The following NINL variants were observed in gnomAD, a reference collection of about 807,000 sequenced individuals.
The protein encoded by NINL is ninein like.
In NINL, 153 loss-of-function variants were observed where a neutral mutation model predicts 160.3. The ratio of observed to expected loss-of-function variants is 0.95; its 90% CI spans 0.84 to 1.09. The LOEUF is 1.09. NINL is among the 50% of genes least tolerant of loss of function. The pLI is 0.00. For missense variants in NINL, 1,829 were observed against 1,764.0 expected (o/e 1.04, Z -0.66); for synonymous variants, 800 against 734.8 (o/e 1.09, Z -1.43).
chr20:25,581,668 C>T (rs895668844), intron 1 of NINL, among the ~76,000 whole-genome samples: 1 of 152,060 alleles, frequency 6.6e-6, no homozygotes, highest in Non-Finnish European at 1.5e-5. Context: ...TAAAAATTAG[C>T]GGATAACTCT....
chr20:25,529,152 T>C (rs979865571), intron 1 of NINL, among the ~76,000 whole-genome samples: 3 of 152,178 alleles, frequency 2.0e-5, no homozygotes, highest in South Asian at 4.1e-4. Flanking sequence ...TGTGAGCCTG[T>C]AGTCTCAGAT....
intron 10 of NINL, 99 bp downstream of exon 10, chr20:25,496,564 C>A: frequency 2.8e-6 from 4 of 1,440,992 alleles, no homozygotes; most frequent in South Asian, 1.3e-5. Context: ...CTGAGCCACA[C>A]CCGCAGCTCT....
chr20:25,453,008 C>T lies in NINL; in HGVS notation c.*443G>A, dbSNP rs2090570913. 1 of 153,128 alleles carries T rather than the reference C, an allele frequency of 6.5e-6. No individual in the cohort carries two copies. Among genetic ancestry groups the T allele is most frequent in the Non-Finnish European group, 1.5e-5 (1 of 68,564 alleles). The allele number at this position is 153,128 out of a possible 1,614,324, so 9.5% of individuals were successfully genotyped here. Reference sequence around the variant, plus strand: ...TTCTGGAATGTGTGTACGCACCCTCCACCAAGAGTTCTAATAAGCTAAGCT... The same window carrying T: ...TTCTGGAATGTGTGTACGCACCCTCTACCAAGAGTTCTAATAAGCTAAGCT... On this transcript the variant is annotated 3_prime_UTR_variant, in exon 24 of 24. Coordinates refer to ENST00000278886, the MANE Select transcript of NINL (RefSeq NM_025176.6).
intron 1 of NINL, among the ~76,000 whole-genome samples, chr20:25,553,380 C>T (rs1416384413): frequency 3.9e-5 from 6 of 152,128 alleles, no homozygotes; most frequent in East Asian, 1.9e-4. Context: ...CACTGGTCCC[C>T]GCCAGTACTG....
chr20:25,482,198 G>A, intron 13 of NINL, 98 bp from the exon 14 acceptor site: 2 of 1,411,400 alleles, frequency 1.4e-6, no homozygotes, highest in Non-Finnish European at 1.9e-6. Flanking sequence ...TGCAGGTGAG[G>A]TGCACTGTGA....
At position 25,489,889 on chromosome 20, in the gene NINL, C is replaced by T; in HGVS notation, c.1582G>A (p.Val528Met). 6.2e-7 allele frequency: 1 copy of T among 1,614,226 alleles called. No homozygotes were observed. Residue 528 changes from valine (V) to methionine (M), a missense_variant, in exon 12 of 24, where the codon GTG becomes ATG. Transcript: ENST00000278886. ...ALKLQKDLEF[V>M]LKDKLEPQSA... ...AAGGGACTCGCCTTGTCCTTCAGCA[C>T]AAACTCCAGGTCCTTCTGCAGCTTC...
At chr20:25,456,372 A>G (rs1188125588) in intron 22 of NINL, among the ~76,000 whole-genome samples, 1 of 149,632 alleles carries the variant, frequency 6.7e-6, no homozygotes, top group East Asian at 2.0e-4. Flanking sequence ...GCACAGTGAA[A>G]CCCTATCTCT....
intron 1 of NINL, among the ~76,000 whole-genome samples, chr20:25,584,975 G>A (rs1333343581): frequency 3.9e-5 from 6 of 152,232 alleles, no homozygotes; most frequent in African/African-American, 1.4e-4. Flanking sequence ...CGCGGGTCCC[G>A]CTCCGTGGGG....
At chr20:25,467,350 A>G (rs373172937) in intron 19 of NINL, 39 bp downstream of exon 19, 1 of 1,426,140 alleles carries the variant, frequency 7.0e-7, no homozygotes. Context: ...AAAAAAAGGA[A>G]TGGTGGCATG....
In NINL at chr20:25,569,910, C is replaced by T. The variant is rs185401169; in HGVS notation, c.-12+15545G>A. 5.3e-5 allele frequency among the ~76,000 whole-genome samples: 8 copies of T among 152,078 alleles called. No homozygotes were observed. The East Asian group carries it at 1.5e-3, about 29-fold the overall frequency. On this transcript the variant is annotated intron_variant, in intron 1 of 23. Transcript: ENST00000278886. ...GTCAAAGCTAGGTACTGCAGCCGGG[C>T]GTGGTGGCTCACACTTGTAATCCCA...
chr20:25,584,688 T>C (rs534084701), intron 1 of NINL, among the ~76,000 whole-genome samples: 2 of 152,238 alleles, frequency 1.3e-5, no homozygotes, highest in East Asian at 3.9e-4. Context: ...TTCCAGGGCT[T>C]GGCCTAAGTC....
At chr20:25,571,903 A>G (rs1414988817) in intron 1 of NINL, among the ~76,000 whole-genome samples, 1 of 143,614 alleles carries the variant, frequency 7.0e-6, no homozygotes, top group Non-Finnish European at 1.5e-5. Flanking sequence ...AGGTTGCTTT[A>G]GCTCAGCAAA....
intron 16 of NINL, among the ~76,000 whole-genome samples, chr20:25,477,933 T>TA (rs2063299173): frequency 6.6e-6 from 1 of 151,604 alleles, no homozygotes; most frequent in Admixed American, 6.6e-5. Flanking sequence ...CGACTTTTTT[T>TA]TTTTTTTGAG....
intron 5 of NINL, among the ~76,000 whole-genome samples, chr20:25,509,168 T>C (rs771464403): frequency 1.4e-4 from 22 of 152,166 alleles, no homozygotes; most frequent in Non-Finnish European, 1.5e-5. Flanking sequence ...CACATGTCCT[T>C]AGTGCCCTAA....
chr20:25,564,670 C>T (rs2064981157), intron 1 of NINL, among the ~76,000 whole-genome samples: 1 of 152,016 alleles, frequency 6.6e-6, no homozygotes, highest in Non-Finnish European at 1.5e-5. Context: ...CCAGGCTGGT[C>T]TTGAACTCCT....
chr20:25,525,309 G>C (rs1281834623), intron 2 of NINL, among the ~76,000 whole-genome samples: 1 of 152,188 alleles, frequency 6.6e-6, no homozygotes, highest in South Asian at 2.1e-4. Flanking sequence ...TTTGGCCCAA[G>C]GGCCATTTCA....
intron 13 of NINL, among the ~76,000 whole-genome samples, chr20:25,483,226 C>T (rs529340526): frequency 2.8e-5 from 4 of 143,650 alleles, no homozygotes; most frequent in Admixed American, 2.1e-4. Flanking sequence ...CCCAGCTACT[C>T]AGGAGGCTGA....
intron 1 of NINL, among the ~76,000 whole-genome samples, chr20:25,580,817 G>A (rs2065166218): frequency 6.6e-6 from 1 of 152,244 alleles, no homozygotes; most frequent in South Asian, 2.1e-4. Flanking sequence ...CAAACTTTTG[G>A]CCTCAGCTTG....
At position 25,470,060 on chromosome 20, in the gene NINL, A is replaced by C. The variant is rs746415148; in HGVS notation, c.3284T>G (p.Leu1095Trp). 1.6e-5 allele frequency: 26 copies of C among 1,614,126 alleles called. No homozygotes were observed. The highest frequency in any genetic ancestry group is 2.2e-5 in the Non-Finnish European group (26 of 1,180,004). The change falls in exon 18 of 24, where the codon TTG (leucine) becomes TGG (tryptophan). Residue 1095 changes from leucine (L) to tryptophan (W), a missense_variant. Physicochemically the swap from Leu to Trp is moderately conservative, Grantham distance 61. Transcript: ENST00000278886. ...EFHRLSEENT[L>W]LKNDLGRVRQ... is the part of the protein sequence containing the mutation. ...AACCCTTCCCAGATCGTTTTTCAAC[A>C]AAGTGTTTTCTTCAGAAAGTCTATG...
Sources: allele counts gnomAD v4.1 joint callset (sites outside exome capture counted in the v4.1 genomes callset), GRCh38; gene constraint gnomAD v4.1.1; transcripts MANE v1.5; gene names NCBI Gene and HGNC (gene_info 2026-07-23, HGNC 2026-07-21).